Variants in SLC25A25 observed in about 807,000 individuals in gnomAD.
SLC25A25 encodes solute carrier family 25 member 25, also known as mitochondrial adenyl nucleotide antiporter SLC25A25.
SLC25A25 carries 32 observed loss-of-function variants against 57.7 expected under a neutral mutation model. That is an observed-to-expected ratio of 0.55 (90% CI 0.42 to 0.74). The LOEUF (loss-of-function observed/expected upper bound fraction) is 0.74. Ranked by LOEUF, SLC25A25 falls within the 30% of genes least tolerant of loss-of-function variation. The pLI is 0.00. For synonymous variants in SLC25A25, 306 were observed against 291.2 expected (o/e 1.05, Z -0.52); for missense variants, 556 against 701.3 (o/e 0.79, Z 2.34).
At chr9:128,071,875 G>A (rs1315396230) in intron 1 of SLC25A25, among the ~76,000 whole-genome samples, 1 of 148,702 alleles carries the variant, frequency 6.7e-6, no homozygotes, top group Non-Finnish European at 1.5e-5. Context: ...CCATGGCCCG[G>A]CTAATTTTTG....
chr9:128,068,591 C>A lies in SLC25A25; in HGVS notation c.261+11C>A. On this transcript the variant is annotated intron_variant, in intron 1 of 10. Transcript: ENST00000373069. ...GAGGGCGAGCTCCAGGTAGGCTGCGCGCGTCCTCAGCACTGGCGGGGAGGG... is the reference window on the plus strand; with the variant it reads ...GAGGGCGAGCTCCAGGTAGGCTGCGAGCGTCCTCAGCACTGGCGGGGAGGG... The A allele has an allele frequency of 7.1e-7, 1 of 1,411,206 alleles. No individual in the cohort carries two copies. The highest frequency in any genetic ancestry group is 9.2e-7 in the Non-Finnish European group (1 of 1,085,572). 87.4% of individuals were successfully genotyped at this position (1,411,206 alleles called of 1,614,324 possible). A position where few individuals can be genotyped will look rare whatever the true frequency, so the allele number is the denominator to read the frequency against.
chr9:128,077,533 A>T (rs1399007084), intron 1 of SLC25A25, among the ~76,000 whole-genome samples: 1 of 151,156 alleles, frequency 6.6e-6, no homozygotes, highest in South Asian at 2.1e-4. Context: ...AAAAAAAGCC[A>T]GTCGCAAAGA....
At position 128,103,052 on chromosome 9, in the gene SLC25A25, G is replaced by A. The variant is rs998287263; in HGVS notation, c.624+571G>A. Among the ~76,000 whole-genome samples the A allele has an allele frequency of 1.3e-5, 2 of 152,194 alleles. No individual in the cohort carries two copies. Among genetic ancestry groups the A allele is most frequent in the African/African-American group, 4.8e-5 (2 of 41,454 alleles). ...TCCCTCTGGACCATCCGCTCCAGGA[G>A]GGGAGGCCAGAGGCGCTCCTCATCT... On this transcript the variant is annotated intron_variant, in intron 5 of 10. Transcript: ENST00000373069. This position sits in a 1 kb window ranked among gnomAD's most constrained non-coding sequence, Gnocchi z 6.7.
intron 1 of SLC25A25, among the ~76,000 whole-genome samples, chr9:128,076,612 C>CCCA (rs1399093869): frequency 6.7e-6 from 1 of 150,112 alleles, no homozygotes; most frequent in Non-Finnish European, 1.5e-5. Flanking sequence ...ACTACAGGCG[C>CCCA]CCACCACCAC....
chr9:128,076,492 GTC>G (rs1164711412), intron 1 of SLC25A25, among the ~76,000 whole-genome samples: 2 of 143,490 alleles, frequency 1.4e-5, no homozygotes, highest in East Asian at 2.0e-4. Flanking sequence ...TTGAGACAGA[GTC>G]TCTCTCTCTC....
chr9:128,073,151 G>A (rs370554263), intron 1 of SLC25A25, among the ~76,000 whole-genome samples: 1 of 152,306 alleles, frequency 6.6e-6, no homozygotes, highest in African/African-American at 2.4e-5. Flanking sequence ...TCATTTGATC[G>A]CAAGGAAATT....
intron 1 of SLC25A25, among the ~76,000 whole-genome samples, chr9:128,074,986 C>T (rs1004440300): frequency 2.0e-5 from 3 of 151,832 alleles, no homozygotes; most frequent in Admixed American, 6.6e-5. Flanking sequence ...AAATACAAAA[C>T]TTAGCCAGGC....
Position 128,107,970 on chromosome 9 carries a change from C to A in SLC25A25, c.*526C>A, listed in dbSNP as rs1487333401. Reference sequence around the variant, plus strand: ...AGGTCACGTGGCCTCCCAGGCCTGACTTCCCAACCTACAGCATTGACGCCA... The same window carrying A: ...AGGTCACGTGGCCTCCCAGGCCTGAATTCCCAACCTACAGCATTGACGCCA... On this transcript the variant is annotated 3_prime_UTR_variant, in exon 11 of 11. Transcript: ENST00000373069. The A allele has an allele frequency of 1.5e-5, 6 of 398,916 alleles. No homozygotes were observed. Among genetic ancestry groups the A allele is most frequent in the Non-Finnish European group, 2.2e-5 (5 of 226,356 alleles). The allele number at this position is 398,916 out of a possible 1,614,324, so 24.7% of individuals were successfully genotyped here.
At position 128,095,031 on chromosome 9, in the gene SLC25A25, C is replaced by G. The variant is rs150522203; in HGVS notation, c.262-6065C>G. On this transcript the variant is annotated intron_variant, in intron 1 of 10. Coordinates refer to ENST00000373069, the MANE Select transcript of SLC25A25 (RefSeq NM_001330988.2). This position sits in a 1 kb window ranked among gnomAD's most constrained non-coding sequence, Gnocchi z 4.4. The stretch of plus-strand genomic sequence containing the variant: ...GCGTTGTGCCCAGATCTTGGAGTGT[C>G]AAGAAGGCCGGTGTGAAGCATCAGG... Among the ~76,000 whole-genome samples the G allele has an allele frequency of 9.0e-3, 1,370 of 152,332 alleles. 18 individuals are homozygous for G. The highest frequency in any genetic ancestry group is 0.015 in the Non-Finnish European group (1,050 of 68,034).
intron 1 of SLC25A25, among the ~76,000 whole-genome samples, chr9:128,090,272 G>A (rs1265583776): frequency 1.3e-5 from 2 of 152,022 alleles, no homozygotes; most frequent in Non-Finnish European, 2.9e-5. Flanking sequence ...GAGTGCAATG[G>A]TGCAATCTTG....
chr9:128,083,513 C>CTTTTTTTTTTTTTTTT (rs1315501906), intron 1 of SLC25A25, among the ~76,000 whole-genome samples: 2 of 117,454 alleles, frequency 1.7e-5, no homozygotes, highest in Non-Finnish European at 3.3e-5. Flanking sequence ...TTTCTTTTTT[C>CTTTTTTTTTTTTTTTT]TTTTTTTTTT....
chr9:128,074,953 T>C (rs367599168), intron 1 of SLC25A25, among the ~76,000 whole-genome samples: 1 of 151,950 alleles, frequency 6.6e-6, no homozygotes, highest in African/African-American at 2.4e-5. Flanking sequence ...CTGGCCAACA[T>C]AGTGAAACCC....
chr9:128,080,191 A>G (rs1391987573), intron 1 of SLC25A25, among the ~76,000 whole-genome samples: 2 of 151,038 alleles, frequency 1.3e-5, no homozygotes, highest in Non-Finnish European at 3.0e-5. Flanking sequence ...AGATCACGCC[A>G]CTGCACTCCA....
intron 1 of SLC25A25, among the ~76,000 whole-genome samples, chr9:128,074,090 A>T (rs1311849613): frequency 1.3e-5 from 2 of 151,440 alleles, no homozygotes; most frequent in African/African-American, 4.9e-5. Flanking sequence ...CCCAGGCTGG[A>T]GTGCGGTGGT....
intron 6 of SLC25A25, among the ~76,000 whole-genome samples, chr9:128,105,058 C>G (rs1035916164): frequency 2.0e-5 from 3 of 148,440 alleles, no homozygotes; most frequent in African/African-American, 7.4e-5. Context: ...GAGGTTTCAT[C>G]ATGTTGGCCA....
At position 128,107,440 on chromosome 9, in the gene SLC25A25, G is replaced by A. The variant is rs199739089; in HGVS notation, c.1544G>A (p.Arg515Gln). 6.6e-6 allele frequency: 10 copies of A among 1,506,146 alleles called. No homozygotes were observed. The highest frequency in any genetic ancestry group is 3.6e-4 in the Middle Eastern group (2 of 5,546). 93.3% of individuals were successfully genotyped at this position (1,506,146 alleles called of 1,614,324 possible). The change falls in exon 11 of 11, where the codon CGG becomes CAG. Residue 515 changes from arginine to glutamine, a missense_variant. By Grantham distance (43) the Arg-to-Gln change is conservative (BLOSUM62 1). Transcript: ENST00000373069. ...AAGATCACCCTGGGCGTGCAGTCGC[G>A]GTGACGGGGGGAGGGCCGCCCGGCA... ...NLKITLGVQSR is the reference protein window; with the variant it reads ...NLKITLGVQSQ
chr9:128,081,167 G>A (rs1386613199), intron 1 of SLC25A25, among the ~76,000 whole-genome samples: 1 of 152,178 alleles, frequency 6.6e-6, no homozygotes, highest in East Asian at 1.9e-4. Context: ...CATTCATCCA[G>A]TTGCCCTCCC....
chr9:128,097,351 T>C (rs1833591290), intron 1 of SLC25A25, among the ~76,000 whole-genome samples: 1 of 152,252 alleles, frequency 6.6e-6, no homozygotes, highest in African/African-American at 2.4e-5. Flanking sequence ...CAGTGAAGTT[T>C]CCGCTGTGGC....
intron 1 of SLC25A25, chr9:128,098,705 A>G (rs746679750): frequency 6.2e-7 from 1 of 1,613,550 alleles, no homozygotes. Flanking sequence ...GGAATTCTCC[A>G]CCTACCGCCA....
Sources: gnomAD v4.1 joint callset for allele counts (sites outside exome capture counted in the v4.1 genomes callset) on GRCh38, gnomAD v4.1.1 for gene constraint, Gnocchi (gnomAD v3.1) non-coding constraint, MANE v1.5 for transcripts, NCBI Gene and HGNC (gene_info 2026-07-23, HGNC 2026-07-21) for gene names.